The following EFNA5 variants were observed in gnomAD, a reference collection of about 807,000 sequenced individuals.
EFNA5 encodes the protein ephrin-A5.
EFNA5 carries 5 observed loss-of-function variants against 22.9 expected under a neutral mutation model. The ratio of observed to expected loss-of-function variants is 0.22; its 90% CI spans 0.11 to 0.46. The LOEUF (loss-of-function observed/expected upper bound fraction) is 0.46. Ranked by LOEUF, EFNA5 falls within the 20% of genes least tolerant of loss-of-function variation. EFNA5 has a pLI of 0.99. For missense variants in EFNA5, 237 were observed against 293.3 expected (o/e 0.81, Z 1.40); for synonymous variants, 113 against 112.2 (o/e 1.01, Z -0.04).
intron 1 of EFNA5, among the ~76,000 whole-genome samples, chr5:107,615,832 C>T (rs1396012580): frequency 6.6e-6 from 1 of 152,250 alleles, no homozygotes; most frequent in Admixed American, 6.5e-5. Context: ...ACAGCAAAAG[C>T]TGTATTTTAC....
rs184279511 is a variant in EFNA5 at position 107,599,434 on chromosome 5, T to C, written c.125+71055A>G. 2.6e-5 allele frequency among the ~76,000 whole-genome samples: 4 copies of C among 152,252 alleles called. No individual in the cohort carries two copies. The East Asian group carries it at 7.7e-4, about 29-fold the overall frequency. ...ATATTTGCATATGCTTGCACAAAAATAGAATACTCAGAAAACTAATAAAAG... is the reference window on the plus strand; with the variant it reads ...ATATTTGCATATGCTTGCACAAAAACAGAATACTCAGAAAACTAATAAAAG... On this transcript the variant is annotated intron_variant, in intron 1 of 4. Transcript: ENST00000333274.
intron 2 of EFNA5, among the ~76,000 whole-genome samples, chr5:107,414,565 A>AGT (rs1249264357): frequency 1.3e-5 from 2 of 152,162 alleles, no homozygotes; most frequent in African/African-American, 4.8e-5. Context: ...GTAATACTGA[A>AGT]GTGTGTCCTT....
intron 1 of EFNA5, among the ~76,000 whole-genome samples, chr5:107,648,163 C>T (rs891608381): frequency 6.6e-6 from 1 of 152,076 alleles, no homozygotes; most frequent in Non-Finnish European, 1.5e-5. Flanking sequence ...GTCTTATTCA[C>T]TTAGGTTCTC....
intron 1 of EFNA5, among the ~76,000 whole-genome samples, chr5:107,545,271 G>A (rs1224775212): frequency 6.6e-6 from 1 of 152,258 alleles, no homozygotes; most frequent in Non-Finnish European, 1.5e-5. Context: ...GATGTTTCCA[G>A]AGCTATGGGC....
chr5:107,546,712 T>G (rs200287644), intron 1 of EFNA5, among the ~76,000 whole-genome samples: 2 of 52,606 alleles, frequency 3.8e-5, no homozygotes, highest in Non-Finnish European at 8.3e-5. Flanking sequence ...TAGGAAAGAA[T>G]TTTTTTTTTA....
chr5:107,406,584 G>A (rs1748228630), intron 2 of EFNA5, among the ~76,000 whole-genome samples: 1 of 151,964 alleles, frequency 6.6e-6, no homozygotes, highest in African/African-American at 2.4e-5. Context: ...CAATAAGTAT[G>A]TTTTATATAT....
chr5:107,381,386 TAGAA>T lies in EFNA5; in HGVS notation c.566-14_566-11del. The T allele has an allele frequency of 6.2e-7, 1 of 1,602,466 alleles. No homozygotes were observed. The highest frequency in any genetic ancestry group is 8.5e-7 in the Non-Finnish European group (1 of 1,170,800). On this transcript the variant is annotated splice_polypyrimidine_tract_variant and intron_variant, in intron 4 of 4. Transcript: ENST00000333274. The stretch of plus-strand genomic sequence containing the variant: ...TCATGTACGGTGTCATCTGTTCAAA[TAGAA>T]AGCACACATTCCAATGAGATTTCAC...
intron 1 of EFNA5, among the ~76,000 whole-genome samples, chr5:107,514,108 C>T (rs1288116459): frequency 6.6e-6 from 1 of 152,154 alleles, no homozygotes; most frequent in Admixed American, 6.5e-5. Flanking sequence ...ACATCCCTGT[C>T]CCCAGGTTTA....
At position 107,562,052 on chromosome 5, in the gene EFNA5, A is replaced by G. The variant is rs74328711; in HGVS notation, c.125+108437T>C. ...GGTCAGGCTGACCATGAGGAAAGAAACGGTCATGTGGATTCAACTGCTGAA... is the reference window on the plus strand; with the variant it reads ...GGTCAGGCTGACCATGAGGAAAGAAGCGGTCATGTGGATTCAACTGCTGAA... On this transcript the variant is annotated intron_variant, in intron 1 of 4. Coordinates refer to ENST00000333274, the MANE Select transcript of EFNA5 (RefSeq NM_001962.3). 9.4e-3 allele frequency among the ~76,000 whole-genome samples: 1,431 copies of G among 152,294 alleles called. 8 individuals are homozygous for G. Among genetic ancestry groups the G allele is most frequent in the Non-Finnish European group, 0.014 (932 of 68,032 alleles).
At chr5:107,482,858 CTCTCTCTCTCTCTATATA>C (rs759215368) in intron 1 of EFNA5, among the ~76,000 whole-genome samples, 15,741 of 91,430 alleles carry the variant, frequency 0.17, 898 homozygotes, top group East Asian at 0.27. Flanking sequence ...CTCTCTCTCT[CTCTCTCTCTCTCTATATA>C]TATATATATA....
At chr5:107,503,794 C>A (rs1265742635) in intron 1 of EFNA5, among the ~76,000 whole-genome samples, 1 of 151,790 alleles carries the variant, frequency 6.6e-6, no homozygotes, top group Non-Finnish European at 1.5e-5. Context: ...AATTGTTTAC[C>A]CATTAAAAAG....
chr5:107,400,560 G>C (rs765351888), intron 2 of EFNA5, among the ~76,000 whole-genome samples: 6 of 152,162 alleles, frequency 3.9e-5, no homozygotes, highest in Admixed American at 6.5e-5. Context: ...TCCTGATGAA[G>C]CTGTAAGCTC....
intron 1 of EFNA5, among the ~76,000 whole-genome samples, chr5:107,630,402 C>A (rs1439645783): frequency 6.6e-6 from 1 of 152,306 alleles, no homozygotes; most frequent in East Asian, 1.9e-4. Context: ...ATAGCAAGTT[C>A]CTGTTCTGAA....
chr5:107,629,406 T>C (rs1367758301), intron 1 of EFNA5, among the ~76,000 whole-genome samples: 1 of 152,148 alleles, frequency 6.6e-6, no homozygotes, highest in East Asian at 1.9e-4. Flanking sequence ...AGCTACTCTG[T>C]ATGATACTAT....
chr5:107,534,340 T>C (rs557163674), intron 1 of EFNA5, among the ~76,000 whole-genome samples: 1 of 152,292 alleles, frequency 6.6e-6, no homozygotes, highest in African/African-American at 2.4e-5. Flanking sequence ...GGGGACTGCT[T>C]CCATGTAAAC....
At chr5:107,493,687 A>G (rs1746877711) in intron 1 of EFNA5, among the ~76,000 whole-genome samples, 1 of 152,228 alleles carries the variant, frequency 6.6e-6, no homozygotes, top group African/African-American at 2.4e-5. Context: ...AAACAGGTTA[A>G]CTTCAGTAAC....
At chr5:107,643,063 T>C (rs1436153158) in intron 1 of EFNA5, among the ~76,000 whole-genome samples, 1 of 151,986 alleles carries the variant, frequency 6.6e-6, no homozygotes, top group Non-Finnish European at 1.5e-5. Flanking sequence ...CAGTAGGTAA[T>C]ATAAGAAAAC....
intron 3 of EFNA5, 59 bp from the exon 4 acceptor site, chr5:107,387,374 A>G: frequency 8.8e-7 from 1 of 1,138,846 alleles, no homozygotes; most frequent in Non-Finnish European, 1.3e-6. Context: ...TTAAACTCCC[A>G]TTTCTTTCTT....
At chr5:107,550,049 A>G (rs1157563742) in intron 1 of EFNA5, among the ~76,000 whole-genome samples, 1 of 152,242 alleles carries the variant, frequency 6.6e-6, no homozygotes, top group Non-Finnish European at 1.5e-5. Context: ...CAAGCTCATT[A>G]TAGGGTCTTC....
Sources: allele counts gnomAD v4.1 joint callset (sites outside exome capture counted in the v4.1 genomes callset), GRCh38; gene constraint gnomAD v4.1.1; transcripts MANE v1.5; gene names NCBI Gene and HGNC (gene_info 2026-07-23, HGNC 2026-07-21).